NRG1: variants seen among roughly 807,000 people sequenced by gnomAD.
The protein encoded by NRG1 is neuregulin 1, also known as pro-neuregulin-1, membrane-bound isoform.
In NRG1, 18 loss-of-function variants were observed where a neutral mutation model predicts 63.8. That is an observed-to-expected ratio of 0.28 (90% CI 0.19 to 0.42). NRG1 has a LOEUF of 0.42. NRG1 is among the 10% of genes least tolerant of loss of function. The pLI is 1.00. For missense variants in NRG1, 762 were observed against 814.7 expected, an observed-to-expected ratio of 0.94 and a Z score of 0.79; for synonymous variants, 302 against 301.3, an observed-to-expected ratio of 1.00 and a Z score of -0.02.
At chr8:32,699,764 A>C (rs1249566439) in intron 5 of NRG1, among the ~76,000 whole-genome samples, 1 of 152,166 alleles carries the variant, frequency 6.6e-6, no homozygotes, top group African/African-American at 2.4e-5. Context: ...AGATGGTTCA[A>C]ATGTTCCTAT....
At chr8:32,528,723 A>G (rs1029785280) in intron 1 of NRG1, among the ~76,000 whole-genome samples, 1 of 152,182 alleles carries the variant, frequency 6.6e-6, no homozygotes, top group African/African-American at 2.4e-5. Context: ...AGGTCCTATT[A>G]TAAACAACAT....
At chr8:32,210,108 A>T (rs188241740) in intron 1 of NRG1, among the ~76,000 whole-genome samples, 204 of 152,330 alleles carry the variant, frequency 1.3e-3, no homozygotes, top group Admixed American at 3.8e-3. Context: ...ATTATTGATG[A>T]AGCCAGAATG....
intron 3 of NRG1, among the ~76,000 whole-genome samples, chr8:32,608,107 GTTTTT>G (rs1224928528): frequency 2.6e-4 from 27 of 104,844 alleles, no homozygotes; most frequent in South Asian, 2.1e-3. Context: ...TTTTTTTTTT[GTTTTT>G]TTTTTTTTTT....
chr8:32,255,719 G>A lies in NRG1; in HGVS notation c.38-340109G>A, dbSNP rs143083890. ...GCTCTTCTTGAGGATTATCTTTATG[G>A]TGTTCTCTGTATTTCCTGAATTTGA... is the stretch of plus-strand genomic sequence containing the variant. On this transcript the variant is annotated intron_variant, in intron 1 of 10. Coordinates refer to the NRG1 transcript ENST00000519301. Among the ~76,000 whole-genome samples, 503 of 152,220 alleles carry A rather than the reference G, an allele frequency of 3.3e-3. 2 individuals carry two copies. The highest frequency in any genetic ancestry group is 0.011 in the African/African-American group (475 of 41,538).
chr8:31,754,054 T>C (rs139978774), intron 1 of NRG1, among the ~76,000 whole-genome samples: 114 of 152,250 alleles, frequency 7.5e-4, no homozygotes, highest in Non-Finnish European at 1.2e-3. Context: ...AGAAGCAACA[T>C]TCCTGGTATG....
chr8:32,051,724 A>G (rs1225547031), intron 1 of NRG1, among the ~76,000 whole-genome samples: 1 of 151,226 alleles, frequency 6.6e-6, no homozygotes, highest in Non-Finnish European at 1.5e-5. Context: ...CAACAAATCA[A>G]GTATTCCTGG....
intron 1 of NRG1, among the ~76,000 whole-genome samples, chr8:32,407,968 C>T (rs1186339979): frequency 6.6e-6 from 1 of 152,202 alleles, no homozygotes; most frequent in Non-Finnish European, 1.5e-5. Flanking sequence ...TCCTTACTTT[C>T]AGTCCACAGA....
exon 1 of NRG1, chr8:32,548,752 G>A: frequency 1.9e-6 from 3 of 1,589,558 alleles, no homozygotes; most frequent in Non-Finnish European, 2.6e-6. Context: ...GAAGGCAGAG[G>A]CAAAGGGAAG....
chr8:32,459,064 G>T (rs1052650519), intron 1 of NRG1, among the ~76,000 whole-genome samples: 8 of 152,156 alleles, frequency 5.3e-5, no homozygotes, highest in South Asian at 2.1e-4. Flanking sequence ...TCTCGTCTGT[G>T]TCTCCCTGAA....
In NRG1 at chr8:31,640,786, G is replaced by A; in HGVS notation, c.37+1355G>A. The A allele has an allele frequency of 1.4e-6, 2 of 1,442,072 alleles. No homozygotes were observed. Among genetic ancestry groups the A allele is most frequent in the East Asian group, 5.4e-5 (2 of 37,348 alleles). The allele number at this position is 1,442,072 out of a possible 1,614,324, so 89.3% of individuals were successfully genotyped here. Reference sequence around the variant, plus strand: ...GCGGCGAGGAGGGCGCATCCCGGGCGCGCGGGCAGCGGGGCTCGACGGCCG... The same window carrying A: ...GCGGCGAGGAGGGCGCATCCCGGGCACGCGGGCAGCGGGGCTCGACGGCCG... On this transcript the variant is annotated intron_variant, in intron 1 of 10. Coordinates refer to the NRG1 transcript ENST00000519301. The surrounding 1 kb of genome is among the most constrained non-coding windows in gnomAD (Gnocchi z 6.3).
At chr8:32,083,606 T>A (rs1308333399) in intron 1 of NRG1, among the ~76,000 whole-genome samples, 1 of 152,170 alleles carries the variant, frequency 6.6e-6, no homozygotes, top group African/African-American at 2.4e-5. Flanking sequence ...ACCACCCTTA[T>A]GCTTACTAAT....
At chr8:32,696,714 T>C (rs1589260625) in intron 5 of NRG1, among the ~76,000 whole-genome samples, 1 of 143,132 alleles carries the variant, frequency 7.0e-6, no homozygotes, top group South Asian at 2.2e-4. Context: ...CAGGCTGGAG[T>C]GCAATGGCGC....
At chr8:31,884,335 G>C (rs573215808) in intron 1 of NRG1, among the ~76,000 whole-genome samples, 1 of 152,046 alleles carries the variant, frequency 6.6e-6, no homozygotes. Flanking sequence ...TAGGAATCAA[G>C]GTGGTAGCTC....
At chr8:31,905,881 C>T (rs1314108761) in intron 1 of NRG1, among the ~76,000 whole-genome samples, 6 of 152,086 alleles carry the variant, frequency 3.9e-5, no homozygotes, top group African/African-American at 1.4e-4. Context: ...TAGTATAAAT[C>T]TTGGAAAATT....
chr8:32,685,108 AG>A (rs1809747912), intron 5 of NRG1, among the ~76,000 whole-genome samples: 1 of 152,188 alleles, frequency 6.6e-6, no homozygotes, highest in African/African-American at 2.4e-5. Context: ...TCATCAGCGC[AG>A]GAATGTGACT....
intron 1 of NRG1, among the ~76,000 whole-genome samples, chr8:31,782,846 G>A (rs1819823551): frequency 6.6e-6 from 1 of 152,178 alleles, no homozygotes; most frequent in African/African-American, 2.4e-5. Flanking sequence ...ATACGATGCG[G>A]ATGTTGCTGG....
intron 1 of NRG1, among the ~76,000 whole-genome samples, chr8:31,693,951 C>T (rs1322358133): frequency 1.3e-5 from 2 of 152,112 alleles, no homozygotes; most frequent in Admixed American, 1.3e-4. Context: ...CATCCTCCCA[C>T]CTTAGACTCT....
chr8:31,861,450 G>T (rs1469410038), intron 1 of NRG1, among the ~76,000 whole-genome samples: 3 of 151,944 alleles, frequency 2.0e-5, no homozygotes, highest in Admixed American at 6.6e-5. Context: ...CCCCTAGATG[G>T]AACTTAAACT....
intron 1 of NRG1, among the ~76,000 whole-genome samples, chr8:32,211,411 A>G (rs1294214331): frequency 6.6e-6 from 1 of 152,226 alleles, no homozygotes; most frequent in Non-Finnish European, 1.5e-5. Flanking sequence ...TCGTTGTGAC[A>G]TGTGTTGGAA....
Sources: gnomAD v4.1 joint callset for allele counts (sites outside exome capture counted in the v4.1 genomes callset) on GRCh38, gnomAD v4.1.1 for gene constraint, Gnocchi (gnomAD v3.1) non-coding constraint, MANE v1.5 for transcripts, NCBI Gene and HGNC (gene_info 2026-07-23, HGNC 2026-07-21) for gene names.